The following ITPR2 variants were observed in gnomAD, a reference collection of about 807,000 sequenced individuals.
ITPR2 encodes the protein inositol 1,4,5-trisphosphate-gated calcium channel ITPR2.
In ITPR2, 207 loss-of-function variants were observed where a neutral mutation model predicts 317.1. That is an observed-to-expected ratio of 0.65 (90% CI 0.58 to 0.73). ITPR2 has a LOEUF of 0.73. Ranked by LOEUF, ITPR2 falls within the 30% of genes least tolerant of loss-of-function variation. The pLI, the probability that ITPR2 is intolerant of heterozygous loss-of-function variation, is 0.00. For missense variants in ITPR2, 2,613 were observed against 3,284.0 expected, an observed-to-expected ratio of 0.80 and a Z score of 4.99; for synonymous variants, 1,156 against 1,149.1, an observed-to-expected ratio of 1.01 and a Z score of -0.12.
chr12:26,812,162 C>CA (rs531704983), intron 1 of ITPR2, among the ~76,000 whole-genome samples: 8,492 of 90,592 alleles, frequency 0.094, 462 homozygotes, highest in African/African-American at 0.22. Context: ...GACTCCATCT[C>CA]AAAAAAAAAA....
intron 35 of ITPR2, among the ~76,000 whole-genome samples, chr12:26,561,525 C>G (rs888168368): frequency 6.6e-6 from 1 of 152,078 alleles, no homozygotes; most frequent in Non-Finnish European, 1.5e-5. Context: ...GATATTAAGA[C>G]CCACTATTCA....
intron 21 of ITPR2, among the ~76,000 whole-genome samples, chr12:26,653,241 C>CTTTTTTTT (rs774729786): frequency 4.8e-5 from 5 of 103,588 alleles, no homozygotes; most frequent in African/African-American, 3.9e-5. Flanking sequence ...TTGAATCTTT[C>CTTTTTTTT]TTTTTTTTTT....
rs151278506 is a variant in ITPR2 at position 26,339,513 on chromosome 12, C to T, written c.8020-30G>A. 2,508 of 1,588,360 alleles carry T rather than the reference C, an allele frequency of 1.6e-3. 21 individuals carry two copies. The African/African-American group carries it at 0.019, about 12-fold the overall frequency. Reference sequence around the variant, plus strand: ...GGGAAAAGAGAGAGTGTGTGTTCAGCGGATTTTCTCACTCTTACCCAGTGC... The same window carrying T: ...GGGAAAAGAGAGAGTGTGTGTTCAGTGGATTTTCTCACTCTTACCCAGTGC... On this transcript the variant is annotated intron_variant, in intron 56 of 56. Coordinates refer to ENST00000381340, the MANE Select transcript of ITPR2 (RefSeq NM_002223.4).
At chr12:26,721,652 A>T (rs940573766) in intron 5 of ITPR2, among the ~76,000 whole-genome samples, 25 of 152,150 alleles carry the variant, frequency 1.6e-4, no homozygotes, top group African/African-American at 6.0e-4. Context: ...TATTTATTAC[A>T]TGCAAAAATA....
At chr12:26,598,165 T>C (rs1945896940) in intron 30 of ITPR2, among the ~76,000 whole-genome samples, 1 of 152,198 alleles carries the variant, frequency 6.6e-6, no homozygotes, top group Non-Finnish European at 1.5e-5. Flanking sequence ...AATGAAGAGC[T>C]AATGTGTAGG....
chr12:26,684,339 T>G (rs1483417596), intron 11 of ITPR2, among the ~76,000 whole-genome samples: 1 of 152,212 alleles, frequency 6.6e-6, no homozygotes, highest in Non-Finnish European at 1.5e-5. Flanking sequence ...ACCCCACCTG[T>G]AAGACTCTGA....
At chr12:26,534,614 T>G (rs1274932611) in intron 37 of ITPR2, among the ~76,000 whole-genome samples, 1 of 152,212 alleles carries the variant, frequency 6.6e-6, no homozygotes, top group Admixed American at 6.5e-5. Context: ...CAAAGCTTTA[T>G]GAAAACCAGA....
intron 37 of ITPR2, among the ~76,000 whole-genome samples, chr12:26,548,914 T>A (rs1944454238): frequency 6.6e-6 from 1 of 152,180 alleles, no homozygotes; most frequent in African/African-American, 2.4e-5. Flanking sequence ...TTAACCTGAT[T>A]TCTTTCCGAT....
chr12:26,658,514 G>A (rs4963668), intron 16 of ITPR2, among the ~76,000 whole-genome samples: 129,473 of 152,212 alleles, frequency 0.85, 55,097 homozygotes, highest in Admixed American at 0.9. Context: ...TAGAGCACAC[G>A]CCTAATGAAA....
chr12:26,496,345 T>G (rs1942931313), intron 37 of ITPR2, among the ~76,000 whole-genome samples: 1 of 152,224 alleles, frequency 6.6e-6, no homozygotes, highest in South Asian at 2.1e-4. Context: ...CTGTGACATG[T>G]AGCTCTCATT....
intron 32 of ITPR2, among the ~76,000 whole-genome samples, chr12:26,592,400 G>T (rs1036007420): frequency 2.0e-5 from 3 of 152,110 alleles, no homozygotes; most frequent in African/African-American, 7.2e-5. Flanking sequence ...AATAACTAAA[G>T]AAATATAACT....
At chr12:26,747,153 G>A (rs763469663) in intron 2 of ITPR2, among the ~76,000 whole-genome samples, 2 of 152,056 alleles carry the variant, frequency 1.3e-5, no homozygotes, top group Non-Finnish European at 2.9e-5. Flanking sequence ...AAACAGACAC[G>A]TTTAAAATTT....
intron 32 of ITPR2, among the ~76,000 whole-genome samples, chr12:26,592,319 A>G (rs573383204): frequency 6.6e-6 from 1 of 152,360 alleles, no homozygotes; most frequent in African/African-American, 2.4e-5. Flanking sequence ...GTTGAAAACA[A>G]TGAATAAAAT....
At chr12:26,530,885 CA>C (rs1434211501) in intron 37 of ITPR2, among the ~76,000 whole-genome samples, 3 of 152,106 alleles carry the variant, frequency 2.0e-5, no homozygotes, top group Non-Finnish European at 2.9e-5. Flanking sequence ...TTACATTCAG[CA>C]AAGAAGAGGT....
intron 20 of ITPR2, 45 bp from the exon 21 acceptor site, chr12:26,654,171 G>GA (rs553313570): frequency 1.2e-3 from 1,634 of 1,411,472 alleles, no homozygotes; most frequent in East Asian, 1.8e-3. Context: ...TGAAAGAGTG[G>GA]AAAAAAAAAT....
intron 13 of ITPR2, among the ~76,000 whole-genome samples, chr12:26,674,346 A>G (rs1947858708): frequency 6.6e-6 from 1 of 152,182 alleles, no homozygotes; most frequent in South Asian, 2.1e-4. Context: ...ACCAAAACAG[A>G]GATATAGACC....
chr12:26,826,920 C>G (rs1565792267), intron 1 of ITPR2, among the ~76,000 whole-genome samples: 1 of 152,200 alleles, frequency 6.6e-6, no homozygotes, highest in Non-Finnish European at 1.5e-5. Context: ...GTCAAGTTGA[C>G]GTACACAGAA....
Position 26,556,274 on chromosome 12 carries a change from C to A in ITPR2, c.4923G>T (p.Glu1641Asp), listed in dbSNP as rs774224552. ...VLYSPELLFP[E>D]GSDARIRCGA... Reference sequence around the variant, plus strand: ...CACATCTTATTCTTGCATCGCTTCCCTCAGGGAACAGCAGTTCTGGACTGT... The same window carrying A: ...CACATCTTATTCTTGCATCGCTTCCATCAGGGAACAGCAGTTCTGGACTGT... Residue 1641 changes from glutamate (E) to aspartate (D), a missense_variant, in exon 36 of 57, where the codon GAG (glutamate) becomes GAT (aspartate). Glu to Asp is a conservative substitution (Grantham distance 45). Transcript: ENST00000381340. The A allele has an allele frequency of 6.2e-7, 1 of 1,613,986 alleles. No individual in the cohort carries two copies. The highest frequency in any genetic ancestry group is 8.5e-7 in the Non-Finnish European group (1 of 1,179,946).
chr12:26,750,393 T>A (rs530077614), intron 2 of ITPR2, among the ~76,000 whole-genome samples: 1 of 152,246 alleles, frequency 6.6e-6, no homozygotes, highest in South Asian at 2.1e-4. Context: ...GATGGGACCC[T>A]CCTCTTCTGG....
Sources: gnomAD v4.1 joint callset for allele counts (sites outside exome capture counted in the v4.1 genomes callset) on GRCh38, gnomAD v4.1.1 for gene constraint, MANE v1.5 for transcripts, NCBI Gene and HGNC (gene_info 2026-07-23, HGNC 2026-07-21) for gene names.